NEDD9: variants seen among roughly 807,000 people sequenced by gnomAD.
The protein encoded by NEDD9 is neural precursor cell expressed, developmentally down-regulated 9.
A neutral mutation model predicts 76.6 loss-of-function variants in NEDD9; 26 were observed. The observed-to-expected ratio is 0.34, with a 90% CI of 0.25 to 0.47. The LOEUF is 0.47. NEDD9 is among the 20% of genes least tolerant of loss of function. The pLI, the probability that NEDD9 is intolerant of heterozygous loss-of-function variation, is 1.00. For missense variants in NEDD9, 937 were observed against 1,058.5 expected (o/e 0.89, Z 1.59); for synonymous variants, 392 against 414.2 (o/e 0.95, Z 0.65).
intron 2 of NEDD9, among the ~76,000 whole-genome samples, chr6:11,319,512 A>G (rs993460816): frequency 1.2e-4 from 15 of 120,420 alleles, no homozygotes; most frequent in Non-Finnish European, 2.0e-4. Flanking sequence ...GCACACACAC[A>G]CTAACATGCA....
intron 2 of NEDD9, chr6:11,200,682 A>G: frequency 8.0e-7 from 1 of 1,255,848 alleles, no homozygotes; most frequent in Non-Finnish European, 1.0e-6. Flanking sequence ...AGTGCTCAAA[A>G]TGAGATCTAC....
At chr6:11,206,195 G>A (rs573768324) in intron 2 of NEDD9, among the ~76,000 whole-genome samples, 44 of 152,242 alleles carry the variant, frequency 2.9e-4, no homozygotes, top group African/African-American at 1.0e-3. Context: ...GAGGTGGGCA[G>A]ATCACCTGAG....
At chr6:11,297,252 C>G (rs1456716777) in intron 3 of NEDD9, among the ~76,000 whole-genome samples, 1 of 150,444 alleles carries the variant, frequency 6.6e-6, no homozygotes, top group Non-Finnish European at 1.5e-5. Flanking sequence ...TAAAACAGAA[C>G]CATCCTGGGA....
rs181081671 is a variant in NEDD9, at chr6:11,356,751, C to A, written c.-213-22190G>T. Among the ~76,000 whole-genome samples, 40 of 150,460 alleles carry A rather than the reference C, an allele frequency of 2.7e-4. No individual in the cohort carries two copies. The East Asian group carries it at 7.8e-3, about 29-fold the overall frequency. On this transcript the variant is annotated intron_variant, in intron 1 of 3. Coordinates refer to the NEDD9 transcript ENST00000397378. ...CACCCCCCCCACCCTTTCCCCTCCC[C>A]CTGGTATAGCACTCAGTAAATTATT...
chr6:11,214,052 T>C, intron 1 of NEDD9: 1 of 416,460 alleles, frequency 2.4e-6, no homozygotes, highest in South Asian at 2.0e-5. Flanking sequence ...ACAAAACATT[T>C]TTCTTCCTTT....
Position 11,190,957 on chromosome 6 carries a change from C to T in NEDD9, c.912G>A (p.Pro304=), listed in dbSNP as rs762185921. The part of the protein sequence containing the change: ...HQSLSPNHPP[P]QLGQSVGSQN... ...GAGAGCCCACTGACTGTCCGAGTTG[C>T]GGGGGTGGGTGATTCGGGGACAGGC... The change falls in exon 5 of 7, where the codon CCG becomes CCA. Residue 304 remains proline, a synonymous_variant. Transcript: ENST00000379446. The surrounding 1 kb of genome is among the most constrained non-coding windows in gnomAD (Gnocchi z 5.8). 1.2e-5 allele frequency: 20 copies of T among 1,613,774 alleles called. 1 individual carries two copies. Among genetic ancestry groups the T allele is most frequent in the South Asian group, 4.4e-5 (4 of 91,084 alleles).
At chr6:11,362,890 A>T (rs1280854145) in intron 1 of NEDD9, among the ~76,000 whole-genome samples, 1 of 152,246 alleles carries the variant, frequency 6.6e-6, no homozygotes, top group Non-Finnish European at 1.5e-5. Flanking sequence ...TGGAAGGGAC[A>T]GATGTCTAAC....
At chr6:11,291,230 T>C (rs1401504082) in intron 3 of NEDD9, among the ~76,000 whole-genome samples, 1 of 151,050 alleles carries the variant, frequency 6.6e-6, no homozygotes, top group Non-Finnish European at 1.5e-5. Flanking sequence ...TCTGTGTATC[T>C]AGGGAATGGC....
intron 3 of NEDD9, among the ~76,000 whole-genome samples, chr6:11,239,711 A>G (rs1759673141): frequency 6.6e-6 from 1 of 152,122 alleles, no homozygotes; most frequent in Non-Finnish European, 1.5e-5. Context: ...GTGTCCTAGG[A>G]ATACATTCTA....
At chr6:11,324,228 C>G (rs73362895) in intron 2 of NEDD9, among the ~76,000 whole-genome samples, 2,787 of 152,264 alleles carry the variant, frequency 0.018, 102 homozygotes, top group African/African-American at 0.064. Context: ...AACCAGTAAT[C>G]TGGCTTTTCT....
At chr6:11,196,253 A>G (rs1484490307) in intron 2 of NEDD9, among the ~76,000 whole-genome samples, 2 of 151,898 alleles carry the variant, frequency 1.3e-5, no homozygotes, top group Admixed American at 1.3e-4. Context: ...GCAGTGAGCC[A>G]AGATCGTTCC....
At chr6:11,322,738 A>G (rs28490449) in intron 2 of NEDD9, among the ~76,000 whole-genome samples, 16,617 of 152,160 alleles carry the variant, frequency 0.11, 2,300 homozygotes, top group African/African-American at 0.32. Context: ...GTGTTTCATC[A>G]GATGTTTCAA....
chr6:11,282,902 T>C (rs1295371473), intron 3 of NEDD9, among the ~76,000 whole-genome samples: 1 of 152,228 alleles, frequency 6.6e-6, no homozygotes, highest in Non-Finnish European at 1.5e-5. Context: ...CTCCAGTGGT[T>C]TCATATCTCG....
chr6:11,364,614 G>C (rs1762731564), intron 1 of NEDD9, among the ~76,000 whole-genome samples: 2 of 152,102 alleles, frequency 1.3e-5, no homozygotes, highest in Admixed American at 1.3e-4. Flanking sequence ...AACCCTTAAG[G>C]AGGCTCCAAA....
intron 3 of NEDD9, among the ~76,000 whole-genome samples, chr6:11,298,902 C>T (rs1228660643): frequency 6.6e-6 from 1 of 152,184 alleles, no homozygotes; most frequent in Non-Finnish European, 1.5e-5. Context: ...CAGCTCCAGT[C>T]TGCAGCTCCC....
intron 3 of NEDD9, among the ~76,000 whole-genome samples, chr6:11,302,444 G>A (rs1176442014): frequency 1.3e-5 from 2 of 152,142 alleles, no homozygotes; most frequent in Non-Finnish European, 2.9e-5. Flanking sequence ...GGTACAAAGA[G>A]GAGCTGGTAC....
At chr6:11,331,484 T>C (rs1762037307) in intron 2 of NEDD9, among the ~76,000 whole-genome samples, 4 of 151,774 alleles carry the variant, frequency 2.6e-5, no homozygotes, top group Non-Finnish European at 4.4e-5. Flanking sequence ...GGGGAGGAGA[T>C]ATGACTTAAG....
intron 2 of NEDD9, among the ~76,000 whole-genome samples, chr6:11,316,893 A>G (rs1761581384): frequency 6.6e-6 from 1 of 152,234 alleles, no homozygotes; most frequent in Admixed American, 6.5e-5. Context: ...GGATGCTAGT[A>G]TCATTCTGAG....
At chr6:11,325,478 T>C (rs1761906591) in intron 2 of NEDD9, among the ~76,000 whole-genome samples, 1 of 152,240 alleles carries the variant, frequency 6.6e-6, no homozygotes, top group Admixed American at 6.5e-5. Flanking sequence ...TTGGAACAAT[T>C]TAGCATACAA....
Sources: allele counts gnomAD v4.1 joint callset (sites outside exome capture counted in the v4.1 genomes callset), GRCh38; gene constraint gnomAD v4.1.1; non-coding constraint Gnocchi (gnomAD v3.1); transcripts MANE v1.5; gene names NCBI Gene and HGNC (gene_info 2026-07-23, HGNC 2026-07-21).